Variants in SF3B2 observed in about 807,000 individuals in gnomAD.
SF3B2 encodes the protein splicing factor 3b subunit 2.
Under a neutral mutation model 116.3 loss-of-function variants are expected in SF3B2, and 22 were observed. The observed-to-expected ratio is 0.19, with a 90% CI of 0.14 to 0.27. The LOEUF is 0.27. SF3B2 is among the 10% of genes least tolerant of loss of function. SF3B2 has a pLI of 1.00. For missense variants in SF3B2, 767 were observed against 1,151.4 expected (o/e 0.67, Z 4.83); for synonymous variants, 406 against 421.6 (o/e 0.96, Z 0.45).
In SF3B2 at chr11:66,058,417, A is replaced by C; in HGVS notation, c.966+12A>C. On this transcript the variant is annotated intron_variant, in intron 9 of 21. Transcript: ENST00000322535. Reference sequence around the variant, plus strand: ...TATCTAAAAAGGAGGTAGGGATTGGAGCTGAGTGTGGAAGGAAAGCCAGGA... The same window carrying C: ...TATCTAAAAAGGAGGTAGGGATTGGCGCTGAGTGTGGAAGGAAAGCCAGGA... The C allele has an allele frequency of 5.6e-6, 9 of 1,607,084 alleles. No individual in the cohort carries two copies. The highest frequency in any genetic ancestry group is 6.8e-6 in the Non-Finnish European group (8 of 1,173,920).
chr11:66,055,242 C>T lies in SF3B2; in HGVS notation c.425C>T (p.Ser142Leu). 1 of 1,613,982 alleles carries T rather than the reference C, an allele frequency of 6.2e-7. No individual in the cohort carries two copies. The highest frequency in any genetic ancestry group is 8.5e-7 in the Non-Finnish European group (1 of 1,179,922). The change falls in exon 4 of 22, where the codon TCA becomes TTA. Residue 142 changes from serine to leucine, a missense_variant. This residue lies in a region of SF3B2 where 455 missense variants were observed against 537.5 expected (regional missense o/e 0.85). Coordinates refer to ENST00000322535, the MANE Select transcript of SF3B2 (RefSeq NM_006842.3). ...PLRVGEPVAL[S>L]EEERLKLAQQ... ...CGTGTGGGTGAGCCAGTGGCACTGT[C>T]AGAGGAGGAGCGGCTGAAGTTGGCT...
intron 13 of SF3B2, 87 bp downstream of exon 13, chr11:66,060,096 C>T: frequency 8.7e-7 from 1 of 1,152,170 alleles, no homozygotes. Flanking sequence ...TGGTTTGAAA[C>T]CCACCTACCA....
At chr11:66,057,068 T>A (rs1049210601) in intron 6 of SF3B2, 113 bp downstream of exon 6, 3 of 868,356 alleles carry the variant, frequency 3.5e-6, no homozygotes, top group African/African-American at 1.7e-5. Flanking sequence ...ATATATAGTT[T>A]AATGGTTTTT....
At position 66,058,882 on chromosome 11, in the gene SF3B2, G is replaced by T; in HGVS notation, c.1019G>T (p.Arg340Leu). ...RKKKKKPQRV[R>L]GVSSESSGDR... The stretch of plus-strand genomic sequence containing the variant: ...AAGAAGAAAAAGCCCCAGCGGGTGC[G>T]AGGGGTGTCCTCTGAGAGCTCTGGG... The change falls in exon 10 of 22, where the codon CGA becomes CTA. Residue 340 changes from arginine to leucine, a missense_variant. By Grantham distance (102) the Arg-to-Leu change is moderately radical. Around this residue, in one of 4 missense-constraint regions of SF3B2, gnomAD observed 455 missense variants for 537.5 expected, o/e 0.85. Coordinates refer to ENST00000322535, the MANE Select transcript of SF3B2 (RefSeq NM_006842.3). The T allele has an allele frequency of 1.9e-6, 3 of 1,613,912 alleles. No individual in the cohort carries two copies. Among genetic ancestry groups the T allele is most frequent in the Non-Finnish European group, 2.5e-6 (3 of 1,180,026 alleles).
At chr11:66,064,988 T>G (rs1413152904) in intron 19 of SF3B2, 1 of 152,164 alleles carries the variant, frequency 6.6e-6, no homozygotes, top group Non-Finnish European at 1.5e-5. Flanking sequence ...TTTTTCTTCT[T>G]TGAGATGGAA....
At position 66,068,818 on chromosome 11, in the gene SF3B2, G is replaced by A. The variant is rs1315424448; in HGVS notation, c.*73G>A. The A allele has an allele frequency of 2.6e-6, 3 of 1,175,666 alleles. No individual in the cohort carries two copies. The highest frequency in any genetic ancestry group is 4.7e-5 in the East Asian group (2 of 42,710). The allele number at this position is 1,175,666 out of a possible 1,614,324, so 72.8% of individuals were successfully genotyped here. A position where few individuals can be genotyped will look rare whatever the true frequency, so the allele number is the denominator to read the frequency against. On this transcript the variant is annotated 3_prime_UTR_variant, in exon 22 of 22. Transcript: ENST00000322535. ...GCTTCACACAAGAACCACCTCTCCC[G>A]CAGTTCCCAAGGACTTGTCATTTCA... is the stretch of plus-strand genomic sequence containing the variant.
At chr11:66,064,894 T>A (rs1857155358) in intron 19 of SF3B2, 1 of 152,192 alleles carries the variant, frequency 6.6e-6, no homozygotes, top group Non-Finnish European at 1.5e-5. Context: ...GTCTTAAAAA[T>A]TCTTTATTTG....
chr11:66,055,201 GC>G lies in SF3B2; in HGVS notation c.389del (p.Pro130ArgfsTer18), dbSNP rs1376921973. The G allele has an allele frequency of 6.2e-7, 1 of 1,612,700 alleles. No individual in the cohort carries two copies. The highest frequency in any genetic ancestry group is 8.5e-7 in the Non-Finnish European group (1 of 1,178,922). ...FPMAHPPNLG[P>X]PPPLRVGEPV... is the part of the protein sequence containing the mutation. Reference sequence around the variant, plus strand: ...CTATGGCCCACCCACCAAATTTGGGGCCCCCGCCTCCTCTCCGTGTGGGTGA... The same window carrying G: ...CTATGGCCCACCCACCAAATTTGGGGCCCCGCCTCCTCTCCGTGTGGGTGA... On this transcript the variant is annotated frameshift_variant, in exon 4 of 22. Coordinates refer to ENST00000322535, the MANE Select transcript of SF3B2 (RefSeq NM_006842.3). LOFTEE classifies it high-confidence loss of function.
chr11:66,058,029 T>TTCTCTGACTGGGTG (rs1565088396), intron 7 of SF3B2, 25 bp from the exon 8 acceptor site: 1 of 1,532,912 alleles, frequency 6.5e-7, no homozygotes. Flanking sequence ...GTGATTTGCC[T>TTCTCTGACTGGGTG]TCTCTGACTG....
intron 6 of SF3B2, 84 bp downstream of exon 6, chr11:66,057,039 A>G: frequency 9.8e-7 from 1 of 1,019,406 alleles, no homozygotes. Context: ...ATCACATTTA[A>G]AAAGGGCATA....
rs375183688 is a variant in SF3B2 at position 66,058,912 on chromosome 11, G to A, written c.1049G>A (p.Arg350Gln). Residue 350 changes from arginine (R) to glutamine (Q), a missense_variant, in exon 10 of 22, where the codon CGG becomes CAG. Around this residue, in one of 4 missense-constraint regions of SF3B2, gnomAD observed 455 missense variants for 537.5 expected, o/e 0.85. Transcript: ENST00000322535. Reference protein sequence around the residue: ...RGVSSESSGDREKDSTRSRGS... With the variant: ...RGVSSESSGDQEKDSTRSRGS... ...GTGTCCTCTGAGAGCTCTGGGGACC[G>A]GGAGAAAGACTCAACCCGGTCCCGT... 34 of 1,613,998 alleles carry A rather than the reference G, an allele frequency of 2.1e-5. No homozygotes were observed. The highest frequency in any genetic ancestry group is 1.2e-4 in the African/African-American group (9 of 74,908).
intron 6 of SF3B2, 91 bp from the exon 7 acceptor site, chr11:66,057,175 G>A: frequency 1.1e-6 from 1 of 949,332 alleles, no homozygotes; most frequent in Non-Finnish European, 1.7e-6. Flanking sequence ...CTCCCCTGCA[G>A]GTTTACCATC....
chr11:66,060,817 A>G, intron 14 of SF3B2, 86 bp downstream of exon 14: 1 of 1,418,140 alleles, frequency 7.1e-7, no homozygotes, highest in Non-Finnish European at 9.7e-7. Context: ...TTTGTTTAAA[A>G]AAGATGGAGT....
rs372666709 is a variant in SF3B2 at position 66,052,593 on chromosome 11, T to G, written c.133+76T>G. ...AGCCTGGTTACCCGGGAGACTCGGG[T>G]GCGAGGGGCGGAGGCAGGCCGCTGG... On this transcript the variant is annotated intron_variant, in intron 1 of 21. Transcript: ENST00000322535. 1.1e-5 allele frequency: 17 copies of G among 1,590,834 alleles called. 1 individual carries two copies. The African/African-American group carries it at 1.8e-4, about 16-fold the overall frequency.
chr11:66,055,549 G>A lies in SF3B2; in HGVS notation c.513G>A (p.Ser171=), dbSNP rs201233817. 29 of 1,614,138 alleles carry A rather than the reference G, an allele frequency of 1.8e-5. No individual in the cohort carries two copies. The highest frequency in any genetic ancestry group is 1.6e-4 in the East Asian group (7 of 44,888). Residue 171 remains serine, a synonymous_variant, in exon 5 of 22, where the codon TCG becomes TCA. Coordinates refer to ENST00000322535, the MANE Select transcript of SF3B2 (RefSeq NM_006842.3). Reference sequence around the variant, plus strand: ...TCTTTTTTAAGCAGGGAGATCATTCGCTGAAGGAACATGAGCTCTTGGAGC... The same window carrying A: ...TCTTTTTTAAGCAGGGAGATCATTCACTGAAGGAACATGAGCTCTTGGAGC... The part of the protein sequence containing the change: ...EERAKQQGDH[S]LKEHELLEQQ...
At chr11:66,063,917 CAGATGT>C (rs1857137136) in intron 19 of SF3B2, among the ~76,000 whole-genome samples, 188 bp downstream of exon 19, 1 of 152,166 alleles carries the variant, frequency 6.6e-6, no homozygotes, top group African/African-American at 2.4e-5. Flanking sequence ...AAGATACTTT[CAGATGT>C]AGATAAGGAT....
At chr11:66,064,305 A>G (rs1857143689) in intron 19 of SF3B2, among the ~76,000 whole-genome samples, 1 of 152,040 alleles carries the variant, frequency 6.6e-6, no homozygotes, top group Non-Finnish European at 1.5e-5. Flanking sequence ...GTGTTGGTTA[A>G]TTAGCTGTTA....
At chr11:66,054,903 G>C (rs961259111) in intron 3 of SF3B2, among the ~76,000 whole-genome samples, 173 bp from the exon 4 acceptor site, 3 of 152,202 alleles carry the variant, frequency 2.0e-5, no homozygotes, top group Non-Finnish European at 4.4e-5. Context: ...GTTGGTGCCA[G>C]AAGTTAACAT....
At chr11:66,057,029 A>G (rs1857010574) in intron 6 of SF3B2, 74 bp downstream of exon 6, 3 of 1,158,528 alleles carry the variant, frequency 2.6e-6, no homozygotes, top group Admixed American at 1.7e-5. Context: ...TAAGGTATCT[A>G]TCACATTTAA....
Sources: gnomAD v4.1 joint callset for allele counts (sites outside exome capture counted in the v4.1 genomes callset) on GRCh38, gnomAD v4.1.1 for gene constraint, gnomAD v4.1.1 regional missense constraint, MANE v1.5 for transcripts, NCBI Gene and HGNC (gene_info 2026-07-23, HGNC 2026-07-21) for gene names.